SAMD5: variants seen among roughly 807,000 people sequenced by gnomAD.
The protein encoded by SAMD5 is sterile alpha motif domain containing 5.
Under a neutral mutation model 11.3 loss-of-function variants are expected in SAMD5, and 13 were observed. That is an observed-to-expected ratio of 1.15 (90% CI 0.75 to 1.83). The LOEUF (loss-of-function observed/expected upper bound fraction) is 1.83, where lower values mean the gene tolerates loss of function less well. Ranked by LOEUF, SAMD5 falls within the 40% of genes most tolerant of loss-of-function variation. SAMD5 has a pLI of 0.00. For synonymous variants in SAMD5, 129 were observed against 111.3 expected (o/e 1.16, Z -1.00); for missense variants, 255 against 239.1 (o/e 1.07, Z -0.44).
chr6:147,810,933 G>A, the SAMD5 span, among the ~76,000 whole-genome samples: 255 of 152,242 alleles, frequency 1.7e-3, 1 homozygote, highest in African/African-American at 6.0e-3. Context: ...TATCTAACTG[G>A]TAGAGGAGAT....
At chr6:147,725,849 G>A (rs1791618328) in intron 1 of SAMD5, among the ~76,000 whole-genome samples, 1 of 152,172 alleles carries the variant, frequency 6.6e-6, no homozygotes, top group African/African-American at 2.4e-5. Flanking sequence ...GACAAAAGGA[G>A]AAATGATGGG....
At chr6:147,799,197 C>T in the SAMD5 span, among the ~76,000 whole-genome samples, 23 of 151,964 alleles carry the variant, frequency 1.5e-4, no homozygotes, top group East Asian at 2.1e-3. Context: ...GATTTTGCAG[C>T]GGCTGGTACC....
chr6:147,846,882 CATT>C, the SAMD5 span, among the ~76,000 whole-genome samples: 1 of 152,112 alleles, frequency 6.6e-6, no homozygotes, highest in African/African-American at 2.4e-5. Context: ...ACATGATTCT[CATT>C]ATGGATGTTG....
At chr6:147,868,722 G>C in the SAMD5 span, among the ~76,000 whole-genome samples, 1 of 152,180 alleles carries the variant, frequency 6.6e-6, no homozygotes, top group African/African-American at 2.4e-5. Flanking sequence ...GTTTTAAAAA[G>C]CATTTAACTT....
chr6:147,715,364 T>C (rs890649893), intron 1 of SAMD5, among the ~76,000 whole-genome samples: 2 of 152,132 alleles, frequency 1.3e-5, no homozygotes, highest in Non-Finnish European at 2.9e-5. Flanking sequence ...GGCACCAGCA[T>C]GGGTGCCGGC....
At chr6:147,777,159 T>C in the SAMD5 span, among the ~76,000 whole-genome samples, 1 of 151,788 alleles carries the variant, frequency 6.6e-6, no homozygotes, top group Admixed American at 6.6e-5. Context: ...ACTTTTTTTT[T>C]CTCTCTCTCT....
At chr6:147,896,751 A>AAAAAAAAAAAAAAAAAC in the SAMD5 span, among the ~76,000 whole-genome samples, 1 of 86,630 alleles carries the variant, frequency 1.2e-5, no homozygotes, top group African/African-American at 9.8e-5. Flanking sequence ...AAAAAAAAAA[A>AAAAAAAAAAAAAAAAAC]AAAAAAAAAA....
intron 1 of SAMD5, among the ~76,000 whole-genome samples, chr6:147,551,813 TATATATATA>T (rs1199922234): frequency 2.2e-5 from 2 of 89,706 alleles, no homozygotes; most frequent in Non-Finnish European, 5.1e-5. Context: ...ATATATATGT[TATATATATA>T]TATATATATA....
intron 1 of SAMD5, among the ~76,000 whole-genome samples, chr6:147,640,365 T>C (rs1202828038): frequency 1.3e-5 from 2 of 148,502 alleles, no homozygotes; most frequent in African/African-American, 4.9e-5. Context: ...GGTGTGGTGG[T>C]GTACACCTGT....
At chr6:147,687,363 A>T (rs1407414851) in intron 1 of SAMD5, among the ~76,000 whole-genome samples, 2 of 143,954 alleles carry the variant, frequency 1.4e-5, no homozygotes, top group Middle Eastern at 3.4e-3. Flanking sequence ...GTTCACTGCA[A>T]CCCTGACCTC....
chr6:147,643,252 G>C (rs6940631), intron 1 of SAMD5, among the ~76,000 whole-genome samples: 5,923 of 152,092 alleles, frequency 0.039, 207 homozygotes, highest in African/African-American at 0.093. Flanking sequence ...ACTCAAATAT[G>C]CTTTTTTTTA....
chr6:147,592,982 A>AT (rs1406127321), intron 1 of SAMD5, among the ~76,000 whole-genome samples: 6 of 152,110 alleles, frequency 3.9e-5, no homozygotes, highest in Admixed American at 1.3e-4. Context: ...TAGGTGTTTG[A>AT]TTTTTTTAAC....
chr6:147,554,979 G>A (rs1788832155), intron 1 of SAMD5, among the ~76,000 whole-genome samples: 4 of 152,276 alleles, frequency 2.6e-5, no homozygotes, highest in East Asian at 1.9e-4. Flanking sequence ...CATTTGTACT[G>A]GCAGCACAAA....
chr6:147,867,280 T>C, the SAMD5 span, among the ~76,000 whole-genome samples: 2 of 8,098 alleles, frequency 2.5e-4, no homozygotes, highest in South Asian at 1.4e-3. Flanking sequence ...GTCAAAAAGG[T>C]TTTTTTTTTT....
chr6:147,601,598 G>A (rs1032320000), intron 1 of SAMD5, among the ~76,000 whole-genome samples: 27 of 152,218 alleles, frequency 1.8e-4, no homozygotes, highest in Admixed American at 5.9e-4. Flanking sequence ...CCATGTACAC[G>A]TCGTTTGAAG....
chr6:147,934,658 T>A, the SAMD5 span, among the ~76,000 whole-genome samples: 451 of 151,782 alleles, frequency 3.0e-3, 4 homozygotes, highest in African/African-American at 0.011. Context: ...GAGAGAGGAT[T>A]GAGAGAGAGA....
chr6:147,642,240 T>C (rs942606010), intron 1 of SAMD5, among the ~76,000 whole-genome samples: 2 of 152,232 alleles, frequency 1.3e-5, no homozygotes, highest in African/African-American at 4.8e-5. Flanking sequence ...CTTTAAAAAT[T>C]GGATAAAAGT....
the SAMD5 span, among the ~76,000 whole-genome samples, chr6:147,905,900 C>G: frequency 1.3e-5 from 2 of 152,170 alleles, no homozygotes; most frequent in Admixed American, 1.3e-4. Context: ...TGATATGTTG[C>G]AAAGCTCCAG....
rs527577441 is a variant in SAMD5 at position 147,659,878 on chromosome 6, A to G, written c.163-77439A>G. ...AGCTATGGCAAATCTCCTGTAGGTCACCGCCCTGTTGTGCCTGTGGAAAGA... is the reference window on the plus strand; with the variant it reads ...AGCTATGGCAAATCTCCTGTAGGTCGCCGCCCTGTTGTGCCTGTGGAAAGA... On this transcript the variant is annotated intron_variant, in intron 1 of 1. Coordinates refer to the SAMD5 transcript ENST00000566741. Among the ~76,000 whole-genome samples, 10 of 152,258 alleles carry G rather than the reference A, an allele frequency of 6.6e-5. No homozygotes were observed. In the East Asian group the frequency reaches 1.9e-3, roughly 29 times the overall value.
Sources: allele counts gnomAD v4.1 joint callset (sites outside exome capture counted in the v4.1 genomes callset), GRCh38; gene constraint gnomAD v4.1.1; transcripts MANE v1.5; gene names NCBI Gene and HGNC (gene_info 2026-07-23, HGNC 2026-07-21).